Variants in ATXN2 observed in about 807,000 individuals in gnomAD.
The protein encoded by ATXN2 is ataxin-2.
ATXN2 carries 37 observed loss-of-function variants against 138.6 expected under a neutral mutation model. That is an observed-to-expected ratio of 0.27 (90% CI 0.21 to 0.35). ATXN2 has a LOEUF of 0.35. Ranked by LOEUF, ATXN2 falls within the 10% of genes least tolerant of loss-of-function variation. The pLI, the probability that ATXN2 is intolerant of heterozygous loss-of-function variation, is 1.00. For missense variants in ATXN2, 1,216 were observed against 1,480.3 expected, an observed-to-expected ratio of 0.82 and a Z score of 2.93; for synonymous variants, 549 against 543.7, an observed-to-expected ratio of 1.01 and a Z score of -0.13.
intron 18 of ATXN2, among the ~76,000 whole-genome samples, chr12:111,484,430 T>G (rs1877494545): frequency 6.6e-6 from 1 of 151,922 alleles, no homozygotes. Flanking sequence ...TTTGTTTGTT[T>G]TTTGTTTGTT....
intron 1 of ATXN2, among the ~76,000 whole-genome samples, chr12:111,563,136 C>T (rs952413043): frequency 4.6e-5 from 7 of 152,184 alleles, no homozygotes; most frequent in African/African-American, 1.7e-4. Context: ...GGACAGTCTA[C>T]AAAATAACCT....
intron 1 of ATXN2, chr12:111,581,326 C>A (rs1029251320): frequency 2.2e-5 from 12 of 534,214 alleles, no homozygotes; most frequent in Non-Finnish European, 3.8e-5. Flanking sequence ...AAGGGAGGGG[C>A]CCACTGAGAA....
chr12:111,475,404 A>G (rs1162610161), intron 18 of ATXN2, among the ~76,000 whole-genome samples: 2 of 151,270 alleles, frequency 1.3e-5, no homozygotes, highest in Admixed American at 6.6e-5. Context: ...AAAGACTTCA[A>G]CATATAAACA....
chr12:111,588,828 T>G (rs1884479793), intron 1 of ATXN2, among the ~76,000 whole-genome samples: 1 of 145,740 alleles, frequency 6.9e-6, no homozygotes, highest in Non-Finnish European at 1.5e-5. Context: ...CATCTCTACT[T>G]AAAATGCATA....
At position 111,452,814 on chromosome 12, in the gene ATXN2, A is replaced by T; in HGVS notation, c.3466T>A (p.Ter1156LysextTer34). Residue 1156 changes from the stop codon to lysine (K), a stop_lost, in exon 25 of 25, where the codon TAA becomes AAA. Coordinates refer to ENST00000673436, the MANE Select transcript of ATXN2 (RefSeq NM_001372574.1). ...CTTTCGGTTCCTCCAGGGCAGCCTT[A>T]CAACTGCTGTTGGTGGTGGGCTTGT... ...SVQAHHQQQL[*>K] 1 of 1,614,036 alleles carries T rather than the reference A, an allele frequency of 6.2e-7. No individual in the cohort carries two copies. The highest frequency in any genetic ancestry group is 8.5e-7 in the Non-Finnish European group (1 of 1,179,950).
chr12:111,599,158 G>T lies in ATXN2; in HGVS notation c.-124C>A. 1 of 1,208,262 alleles carries T rather than the reference G, an allele frequency of 8.3e-7. No individual in the cohort carries two copies. The allele number at this position is 1,208,262 out of a possible 1,614,324, so 74.8% of individuals were successfully genotyped here. ...CGAGCGGGGAGGCGCGGGTTGGCGC[G>T]GCCGGAGGGGCGCCCGGGCTGGCGA... On this transcript the variant is annotated 5_prime_UTR_variant, in exon 1 of 25. Transcript: ENST00000673436.
At chr12:111,495,739 G>C (rs1878380102) in intron 14 of ATXN2, among the ~76,000 whole-genome samples, 1 of 152,024 alleles carries the variant, frequency 6.6e-6, no homozygotes, top group Admixed American at 6.6e-5. Context: ...GACCAAATAG[G>C]CCCAATACAT....
At chr12:111,485,010 G>GA (rs2135697850) in intron 18 of ATXN2, 1 of 344,062 alleles carries the variant, frequency 2.9e-6, no homozygotes, top group African/African-American at 2.1e-5. Flanking sequence ...TTACAGGTGT[G>GA]AGCCATCACA....
At chr12:111,483,957 AT>A (rs112065630) in intron 18 of ATXN2, among the ~76,000 whole-genome samples, 10 of 144,510 alleles carry the variant, frequency 6.9e-5, no homozygotes, top group East Asian at 4.1e-4. Context: ...TAAGATTTCT[AT>A]TTTTTTTTTG....
At chr12:111,486,278 C>A (rs1356733220) in intron 16 of ATXN2, among the ~76,000 whole-genome samples, 2 of 152,142 alleles carry the variant, frequency 1.3e-5, no homozygotes, top group Non-Finnish European at 2.9e-5. Flanking sequence ...ATGTAGTATT[C>A]GCATACAACC....
chr12:111,523,659 G>A (rs1288881749), intron 6 of ATXN2, among the ~76,000 whole-genome samples: 1 of 152,046 alleles, frequency 6.6e-6, no homozygotes. Flanking sequence ...CCAGGAGGTG[G>A]AGGTTACAGG....
intron 18 of ATXN2, among the ~76,000 whole-genome samples, chr12:111,480,473 G>C (rs1016377336): frequency 5.3e-5 from 8 of 152,052 alleles, no homozygotes; most frequent in Non-Finnish European, 7.4e-5. Context: ...TCAGGAGTTC[G>C]AGACCAGCCT....
At chr12:111,460,313 A>C (rs1296103767) in intron 21 of ATXN2, among the ~76,000 whole-genome samples, 1 of 152,112 alleles carries the variant, frequency 6.6e-6, no homozygotes, top group African/African-American at 2.4e-5. Flanking sequence ...ACCTCAGGTG[A>C]TCCACTTGTC....
chr12:111,574,275 TCC>T (rs897482166), intron 1 of ATXN2, among the ~76,000 whole-genome samples: 1 of 114,826 alleles, frequency 8.7e-6, no homozygotes, highest in Non-Finnish European at 1.6e-5. Flanking sequence ...ACCACTGCAC[TCC>T]AGCCTGGGCG....
chr12:111,581,782 C>A (rs1884019807), intron 1 of ATXN2: 2 of 551,596 alleles, frequency 3.6e-6, no homozygotes, highest in South Asian at 1.9e-5. Flanking sequence ...ATCAACAGAT[C>A]AGGAGGCATT....
At position 111,598,937 on chromosome 12, in the gene ATXN2, G is replaced by A. The variant is rs1453971825; in HGVS notation, c.98C>T (p.Ala33Val). Residue 33 changes from alanine to valine, a missense_variant, in exon 1 of 25, where the codon GCT (alanine) becomes GTT (valine). By Grantham distance (64) the Ala-to-Val change is moderately conservative. This residue lies in a region of ATXN2 where 110 missense variants were observed against 88.7 expected (regional missense o/e 1.24). Transcript: ENST00000673436. The surrounding 1 kb of genome is among the most constrained non-coding windows in gnomAD (Gnocchi z 4.5). ...GCCGCCGGGCTTGCGGACATTGGCAGCCGCGGGCGGCGGCTGCTGCTGCTG... is the reference window on the plus strand; with the variant it reads ...GCCGCCGGGCTTGCGGACATTGGCAACCGCGGGCGGCGGCTGCTGCTGCTG... ...QQQQQQPPPA[A>V]ANVRKPGGSG... 6 of 1,510,744 alleles carry A rather than the reference G, an allele frequency of 4.0e-6. No individual in the cohort carries two copies. In the African/African-American group the frequency reaches 8.6e-5, roughly 22 times the overall value. 93.6% of individuals were successfully genotyped at this position (1,510,744 alleles called of 1,614,324 possible).
At chr12:111,575,862 T>C (rs1251963907) in intron 1 of ATXN2, among the ~76,000 whole-genome samples, 1 of 152,062 alleles carries the variant, frequency 6.6e-6, no homozygotes, top group Admixed American at 6.6e-5. Flanking sequence ...GGCGGGTGGA[T>C]CATGAGGTCA....
chr12:111,511,825 G>C (rs1186112346), intron 11 of ATXN2: 2 of 151,874 alleles, frequency 1.3e-5, no homozygotes, highest in Non-Finnish European at 2.9e-5. Flanking sequence ...TGAAGACCAA[G>C]GAAGAAAATA....
intron 1 of ATXN2, among the ~76,000 whole-genome samples, chr12:111,580,848 C>T (rs898429295): frequency 8.6e-5 from 13 of 151,672 alleles, no homozygotes; most frequent in African/African-American, 2.7e-4. Flanking sequence ...AGAAAGGAAA[C>T]GACAAAGAAA....
Sources: allele counts gnomAD v4.1 joint callset (sites outside exome capture counted in the v4.1 genomes callset), GRCh38; gene constraint gnomAD v4.1.1; regional missense constraint gnomAD v4.1.1; non-coding constraint Gnocchi (gnomAD v3.1); transcripts MANE v1.5; gene names NCBI Gene and HGNC (gene_info 2026-07-23, HGNC 2026-07-21).